Variants in PCDHGA4 observed in about 807,000 individuals in gnomAD.
The protein encoded by PCDHGA4 is protocadherin gamma subfamily A, 4.
PCDHGA4 carries 38 observed loss-of-function variants against 54.6 expected under a neutral mutation model. The ratio of observed to expected loss-of-function variants is 0.70; its 90% CI spans 0.54 to 0.91. The LOEUF (loss-of-function observed/expected upper bound fraction) is 0.91, where lower values mean the gene tolerates loss of function less well. PCDHGA4 is among the 40% of genes least tolerant of loss of function. The probability of loss-of-function intolerance (pLI) is 0.00; values close to 1 mark genes in which losing one functional copy is unlikely to be tolerated. For missense variants in PCDHGA4, 1,298 were observed against 1,220.9 expected, an observed-to-expected ratio of 1.06 and a Z score of -0.94; for synonymous variants, 511 against 512.9, an observed-to-expected ratio of 1.00 and a Z score of 0.05.
rs768206517 is a variant in PCDHGA4, at chr5:141,432,482, G to A, written c.2515-62325G>A. 10 of 1,614,060 alleles carry A rather than the reference G, an allele frequency of 6.2e-6. No homozygotes were observed. The highest frequency in any genetic ancestry group is 1.3e-5 in the African/African-American group (1 of 74,946). On this transcript the variant is annotated intron_variant, in intron 1 of 3. Coordinates refer to ENST00000571252, the MANE Select transcript of PCDHGA4 (RefSeq NM_018917.4). The surrounding 1 kb of genome is among the most constrained non-coding windows in gnomAD (Gnocchi z 6.0). ...CCTCCCCACGGACGGTTCCACTGGC[G>A]TGGAGCTGGCTCCCCGCTCCGCAGA...
At chr5:141,433,034 C>G (rs1357694242) in intron 1 of PCDHGA4, 2 of 1,614,184 alleles carry the variant, frequency 1.2e-6, no homozygotes, top group Non-Finnish European at 1.7e-6. Flanking sequence ...CGAGGTTTCC[C>G]TCACCACGGA....
rs1760561177 is a variant in PCDHGA4 at position 141,357,342 on chromosome 5, C to T, written c.2235C>T (p.Leu745=). ...CTTTTGTCACGGTGCTGCTAGCACT[C>T]AAGCTGAGACGCTGGCACAAGTCAC... ...FLAFVTVLLA[L]KLRRWHKSRL... Residue 745 remains leucine (L), a synonymous_variant, in exon 1 of 4, where the codon CTC becomes CTT. Coordinates refer to ENST00000571252, the MANE Select transcript of PCDHGA4 (RefSeq NM_018917.4). 6.2e-7 allele frequency: 1 copy of T among 1,614,144 alleles called. No homozygotes were observed. The highest frequency in any genetic ancestry group is 8.5e-7 in the Non-Finnish European group (1 of 1,179,958).
chr5:141,385,368 T>TG, intron 1 of PCDHGA4: 4 of 1,535,720 alleles, frequency 2.6e-6, no homozygotes, highest in Non-Finnish European at 3.5e-6. Flanking sequence ...TTTATTTGCA[T>TG]GATATTTCTC....
At chr5:141,399,148 C>T (rs2150776580) in intron 1 of PCDHGA4, 2 of 1,613,684 alleles carry the variant, frequency 1.2e-6, no homozygotes, top group Non-Finnish European at 1.7e-6. Context: ...TGACAATAGC[C>T]CAGAAGTTAC....
rs1329649336 is a variant in PCDHGA4, at chr5:141,477,589, GCTTT to G, written c.2515-17207_2515-17204del. 2 of 1,614,130 alleles carry G rather than the reference GCTTT, an allele frequency of 1.2e-6. No homozygotes were observed. Among genetic ancestry groups the G allele is most frequent in the South Asian group, 1.1e-5 (1 of 91,086 alleles). ...ACCCCGACGCCCCGCAGAATGCTCGGCTTTCTTTCTTTCTCTTGGAGCAAGGAGC... is the reference window on the plus strand; with the variant it reads ...ACCCCGACGCCCCGCAGAATGCTCGGCTTTCTTTCTCTTGGAGCAAGGAGC... On this transcript the variant is annotated intron_variant, in intron 1 of 3. Coordinates refer to ENST00000571252, the MANE Select transcript of PCDHGA4 (RefSeq NM_018917.4). The surrounding 1 kb of genome is among the most constrained non-coding windows in gnomAD (Gnocchi z 4.9).
intron 1 of PCDHGA4, chr5:141,430,711 C>T (rs2097304226): frequency 1.3e-6 from 2 of 1,483,856 alleles, no homozygotes; most frequent in African/African-American, 2.8e-5. Context: ...CTGCTCCTGA[C>T]TTCAGTGGTT....
At chr5:141,383,684 T>C in intron 1 of PCDHGA4, 5 of 1,614,014 alleles carry the variant, frequency 3.1e-6, no homozygotes, top group Non-Finnish European at 4.2e-6. Flanking sequence ...ACAAGACTGC[T>C]CACGGTACAT....
chr5:141,419,741 A>C (rs769795920), intron 1 of PCDHGA4: 2 of 1,613,856 alleles, frequency 1.2e-6, no homozygotes, highest in Admixed American at 1.7e-5. Context: ...CGAGGTGCGC[A>C]TGGTGCGTGC....
At chr5:141,407,309 A>C (rs1197028846) in intron 1 of PCDHGA4, among the ~76,000 whole-genome samples, 1 of 152,240 alleles carries the variant, frequency 6.6e-6, no homozygotes, top group African/African-American at 2.4e-5. Flanking sequence ...AGTAGCCTTC[A>C]TACTTAGTAT....
At chr5:141,455,899 ATTTATTT>A (rs1441561749) in intron 1 of PCDHGA4, among the ~76,000 whole-genome samples, 5 of 148,258 alleles carry the variant, frequency 3.4e-5, no homozygotes, top group African/African-American at 1.2e-4. Context: ...TTATTTATTT[ATTTATTT>A]ATTTATTTTG....
At chr5:141,441,368 G>A (rs1215599443) in intron 1 of PCDHGA4, 2 of 152,598 alleles carry the variant, frequency 1.3e-5, no homozygotes, top group African/African-American at 2.4e-5. Flanking sequence ...TGGGGCCGTG[G>A]ACCAGGAACA....
intron 1 of PCDHGA4, chr5:141,409,355 A>G (rs778227478): frequency 6.2e-7 from 1 of 1,614,032 alleles, no homozygotes; most frequent in South Asian, 1.1e-5. Flanking sequence ...AGTCAGGTGT[A>G]ATATAGAAAC....
intron 1 of PCDHGA4, chr5:141,384,214 T>C (rs1305082096): frequency 6.2e-6 from 10 of 1,613,756 alleles, no homozygotes; most frequent in South Asian, 1.1e-5. Flanking sequence ...AACTCACATA[T>C]TCATGCAGGT....
intron 1 of PCDHGA4, chr5:141,475,820 C>G (rs890721743): frequency 1.1e-5 from 4 of 351,810 alleles, no homozygotes; most frequent in Non-Finnish European, 1.5e-5. Context: ...AAGTTCCTGG[C>G]GCTAGCGCGT....
At chr5:141,415,040 C>T (rs772941952) in intron 1 of PCDHGA4, 8 of 1,613,520 alleles carry the variant, frequency 5.0e-6, no homozygotes, top group South Asian at 1.1e-5. Context: ...GGACTCTTCG[C>T]GGTGGGGGAG....
chr5:141,462,375 T>G (rs2099038282), intron 1 of PCDHGA4, among the ~76,000 whole-genome samples: 1 of 152,252 alleles, frequency 6.6e-6, no homozygotes, highest in Non-Finnish European at 1.5e-5. Context: ...TTCTATTCTT[T>G]TAAATTCGTT....
At chr5:141,423,448 T>A (rs780751840) in intron 1 of PCDHGA4, 1 of 1,613,992 alleles carries the variant, frequency 6.2e-7, no homozygotes, top group East Asian at 2.2e-5. Context: ...CACGTCACAT[T>A]TTGTAGGCGT....
Position 141,476,819 on chromosome 5 carries a change from C to T in PCDHGA4, c.2515-17988C>T. ...CAGCCTGCCTATTCACATCAAGGTGCTGGACGCGAATGACAATGCGCCTGT... is the reference window on the plus strand; with the variant it reads ...CAGCCTGCCTATTCACATCAAGGTGTTGGACGCGAATGACAATGCGCCTGT... On this transcript the variant is annotated intron_variant, in intron 1 of 3. Coordinates refer to ENST00000571252, the MANE Select transcript of PCDHGA4 (RefSeq NM_018917.4). The surrounding 1 kb of genome is among the most constrained non-coding windows in gnomAD (Gnocchi z 7.6). 6.2e-7 allele frequency: 1 copy of T among 1,613,524 alleles called. No homozygotes were observed. The highest frequency in any genetic ancestry group is 8.5e-7 in the Non-Finnish European group (1 of 1,180,036).
intron 1 of PCDHGA4, chr5:141,384,324 T>G (rs373247436): frequency 1.9e-6 from 3 of 1,613,744 alleles, no homozygotes; most frequent in Non-Finnish European, 2.5e-6. Context: ...TCTTAGTGAC[T>G]GCACAGGACC....
Sources: gnomAD v4.1 joint callset for allele counts (sites outside exome capture counted in the v4.1 genomes callset) on GRCh38, gnomAD v4.1.1 for gene constraint, Gnocchi (gnomAD v3.1) non-coding constraint, MANE v1.5 for transcripts, NCBI Gene and HGNC (gene_info 2026-07-23, HGNC 2026-07-21) for gene names.